AKAP13: variants seen among roughly 807,000 people sequenced by gnomAD.
AKAP13 encodes the protein A-kinase anchoring protein 13.
Under a neutral mutation model 264.5 loss-of-function variants are expected in AKAP13, and 80 were observed. The ratio of observed to expected loss-of-function variants is 0.30; its 90% CI spans 0.25 to 0.36. AKAP13 has a LOEUF of 0.36. Among genes scored for constraint, AKAP13 ranks in the 10% least tolerant of loss-of-function variants. The pLI, the probability that AKAP13 is intolerant of heterozygous loss-of-function variation, is 1.00. For synonymous variants in AKAP13, 1,380 were observed against 1,250.2 expected (o/e 1.10, Z -2.19); for missense variants, 3,712 against 3,435.2 (o/e 1.08, Z -2.01).
intron 19 of AKAP13, among the ~76,000 whole-genome samples, chr15:85,712,803 C>G (rs1366266006): frequency 6.6e-6 from 1 of 152,184 alleles, no homozygotes; most frequent in Non-Finnish European, 1.5e-5. Context: ...CTTGGCCTCC[C>G]AAAGTGCTGG....
chr15:85,534,979 A>G (rs994447778), intron 4 of AKAP13: 3 of 152,146 alleles, frequency 2.0e-5, no homozygotes, highest in African/African-American at 7.2e-5. Context: ...TTACTGATGA[A>G]ATCTAGATTG....
At chr15:85,404,980 T>C (rs911062325) in intron 1 of AKAP13, among the ~76,000 whole-genome samples, 1 of 152,210 alleles carries the variant, frequency 6.6e-6, no homozygotes, top group Non-Finnish European at 1.5e-5. Flanking sequence ...TGTTTTTTTC[T>C]TTTTTTATAA....
At position 85,579,254 on chromosome 15, in the gene AKAP13, G is replaced by C; in HGVS notation, c.1186G>C (p.Asp396His). 6.2e-7 allele frequency: 1 copy of C among 1,614,190 alleles called. No individual in the cohort carries two copies. The highest frequency in any genetic ancestry group is 1.1e-5 in the South Asian group (1 of 91,076). ...APIVDSGTVS[D>H]QDSCLQSLPD... ...TATTGTGGACTCTGGAACTGTATCT[G>C]ATCAAGACAGCTGCCTTCAGAGCTT... Residue 396 changes from aspartate (D) to histidine (H), a missense_variant, in exon 7 of 37, where the codon GAT (aspartate) becomes CAT (histidine). By Grantham distance (81) the Asp-to-His change is moderately conservative. Around this residue, in one of 3 missense-constraint regions of AKAP13, gnomAD observed 2,759 missense variants for 2,411.7 expected, o/e 1.14. Coordinates refer to ENST00000394518, the MANE Select transcript of AKAP13 (RefSeq NM_007200.5).
intron 1 of AKAP13, among the ~76,000 whole-genome samples, chr15:85,451,074 T>G (rs1466634118): frequency 6.6e-6 from 1 of 152,196 alleles, no homozygotes. Flanking sequence ...TAGTTAGGTC[T>G]TCTTGTTGAA....
chr15:85,597,654 A>G (rs1381975838), intron 8 of AKAP13, among the ~76,000 whole-genome samples: 3 of 152,046 alleles, frequency 2.0e-5, no homozygotes, highest in African/African-American at 7.2e-5. Flanking sequence ...TCTGATACAG[A>G]TACTTGGAGG....
intron 1 of AKAP13, among the ~76,000 whole-genome samples, chr15:85,466,100 C>G (rs945417433): frequency 1.4e-4 from 21 of 151,868 alleles, no homozygotes; most frequent in African/African-American, 5.1e-4. Flanking sequence ...TCTCTGATGG[C>G]CAGTGATGGT....
At chr15:85,524,168 C>G (rs2076935027) in intron 3 of AKAP13, among the ~76,000 whole-genome samples, 1 of 149,808 alleles carries the variant, frequency 6.7e-6, no homozygotes, top group African/African-American at 2.5e-5. Flanking sequence ...AGCTTTGTGT[C>G]TTGTTCTTGT....
intron 30 of AKAP13, among the ~76,000 whole-genome samples, chr15:85,734,461 CTTTATCTTTTTA>C (rs1222553516): frequency 6.6e-6 from 1 of 151,576 alleles, no homozygotes; most frequent in Non-Finnish European, 1.5e-5. Context: ...CCTTCTTTTT[CTTTATCTTTTTA>C]TTTTTCTCCT....
intron 8 of AKAP13, among the ~76,000 whole-genome samples, chr15:85,614,501 T>G (rs1418768620): frequency 1.3e-5 from 2 of 152,262 alleles, no homozygotes; most frequent in African/African-American, 4.8e-5. Flanking sequence ...TGAGTCCGTT[T>G]AATGTAAAAT....
intron 14 of AKAP13, among the ~76,000 whole-genome samples, chr15:85,671,963 C>T (rs338518): frequency 0.11 from 16,415 of 152,112 alleles, 1,416 homozygotes; most frequent in East Asian, 0.37. Context: ...ATTATTTTTC[C>T]TTCACAAAAC....
chr15:85,741,739 A>C (rs2089009153), intron 35 of AKAP13, among the ~76,000 whole-genome samples: 1 of 149,400 alleles, frequency 6.7e-6, no homozygotes, highest in Admixed American at 6.7e-5. Context: ...CAAAAAAAAA[A>C]AACAGTTTTT....
chr15:85,521,629 A>G, intron 3 of AKAP13, 54 bp downstream of exon 3: 3 of 1,577,166 alleles, frequency 1.9e-6, no homozygotes, highest in Non-Finnish European at 2.6e-6. Context: ...AAACCCTTTT[A>G]TTCGATGTTT....
intron 10 of AKAP13, among the ~76,000 whole-genome samples, chr15:85,653,896 T>C (rs1293694992): frequency 1.3e-5 from 2 of 152,216 alleles, no homozygotes; most frequent in East Asian, 3.9e-4. Context: ...CATCTTTCCC[T>C]CACCCATCAA....
chr15:85,491,507 TTATATATTA>T (rs1231206966), intron 2 of AKAP13, among the ~76,000 whole-genome samples: 2 of 146,322 alleles, frequency 1.4e-5, no homozygotes, highest in Non-Finnish European at 3.0e-5. Flanking sequence ...TTATTATATA[TTATATATTA>T]TATATATTAT....
intron 8 of AKAP13, among the ~76,000 whole-genome samples, chr15:85,601,608 TTGTGTGTG>T (rs10574160): frequency 1.4e-3 from 187 of 132,082 alleles, no homozygotes; most frequent in African/African-American, 4.5e-3. Flanking sequence ...CCTGAATTCT[TTGTGTGTG>T]TGTGTGTGTG....
rs1419875907 is a variant in AKAP13 at position 85,745,561 on chromosome 15, T to G, written c.*884T>G. ...TCCCTGCAGCGTGACACCTTTTGAT[T>G]GTCACTGACCACTCAGAAGGGGCCA... On this transcript the variant is annotated 3_prime_UTR_variant, in exon 37 of 37. Transcript: ENST00000394518. 2 of 152,310 alleles carry G rather than the reference T, an allele frequency of 1.3e-5. No individual in the cohort carries two copies. Among genetic ancestry groups the G allele is most frequent in the South Asian group, 2.1e-4 (1 of 4,830 alleles). 9.4% of individuals were successfully genotyped at this position (152,310 alleles called of 1,614,324 possible).
chr15:85,504,936 A>G (rs57357668), intron 2 of AKAP13, among the ~76,000 whole-genome samples: 24,193 of 146,718 alleles, frequency 0.16, 2,997 homozygotes, highest in African/African-American at 0.34. Context: ...CCTCTCTCCC[A>G]TCTCTCTCTC....
chr15:85,598,921 T>C (rs917820695), intron 8 of AKAP13, among the ~76,000 whole-genome samples: 1 of 152,232 alleles, frequency 6.6e-6, no homozygotes, highest in Non-Finnish European at 1.5e-5. Context: ...AGACTTTTCA[T>C]TCCAGTTCCA....
chr15:85,381,987 C>T (rs2070304446), intron 1 of AKAP13: 1 of 152,202 alleles, frequency 6.6e-6, no homozygotes, highest in Non-Finnish European at 1.5e-5. Context: ...ATCATTGTTA[C>T]TATTCTTGTA....
Sources: allele counts gnomAD v4.1 joint callset (sites outside exome capture counted in the v4.1 genomes callset), GRCh38; gene constraint gnomAD v4.1.1; regional missense constraint gnomAD v4.1.1; transcripts MANE v1.5; gene names NCBI Gene and HGNC (gene_info 2026-07-23, HGNC 2026-07-21).